Variants in LHFPL1 observed in about 807,000 individuals in gnomAD.
The protein encoded by LHFPL1 is LHFPL tetraspan subfamily member 1 protein.
Under a neutral mutation model 12.1 loss-of-function variants are expected in LHFPL1, and 4 were observed. The observed-to-expected ratio is 0.33, with a 90% CI of 0.16 to 0.76. The LOEUF is 0.76. Ranked by LOEUF, LHFPL1 falls within the 30% of genes least tolerant of loss-of-function variation. The pLI, the probability that LHFPL1 is intolerant of heterozygous loss-of-function variation, is 0.61. For synonymous variants in LHFPL1, 52 were observed against 61.9 expected, an observed-to-expected ratio of 0.84 and a Z score of 0.75; for missense variants, 141 against 174.1, an observed-to-expected ratio of 0.81 and a Z score of 1.07.
intron 3 of LHFPL1, among the ~76,000 whole-genome samples, chrX:112,642,797 C>T (rs1350888912): frequency 9.1e-6 from 1 of 110,343 alleles, no homozygotes; most frequent in East Asian, 2.9e-4. Context: ...TTATAAGCAC[C>T]GTCATTATTT....
At chrX:112,650,886 A>G (rs1930835584) in intron 3 of LHFPL1, among the ~76,000 whole-genome samples, 1 of 112,471 alleles carries the variant, frequency 8.9e-6, no homozygotes, top group Non-Finnish European at 1.9e-5. Context: ...AGACAGCAAC[A>G]CACAGAACAT....
chrX:112,663,411 A>G (rs1316581076), intron 2 of LHFPL1, among the ~76,000 whole-genome samples: 1 of 111,534 alleles, frequency 9.0e-6, no homozygotes, highest in Admixed American at 9.5e-5. Context: ...CACAGTCTAT[A>G]TAACAGACAG....
intron 1 of LHFPL1, among the ~76,000 whole-genome samples, chrX:112,679,337 C>G (rs1003195673): frequency 1.8e-5 from 2 of 112,324 alleles, no homozygotes; most frequent in Non-Finnish European, 3.8e-5. Context: ...TCTTTTATTT[C>G]CAGCCTGAGA....
intron 1 of LHFPL1, among the ~76,000 whole-genome samples, chrX:112,679,521 T>TGG (rs963357854): frequency 9.0e-6 from 1 of 111,685 alleles, no homozygotes; most frequent in African/African-American, 3.3e-5. Flanking sequence ...AACAGGCACT[T>TGG]CATCTCCTCA....
At chrX:112,639,836 G>A (rs976096340) in intron 3 of LHFPL1, among the ~76,000 whole-genome samples, 2 of 112,182 alleles carry the variant, frequency 1.8e-5, no homozygotes, top group Admixed American at 1.9e-4. Context: ...GGGTCACCCC[G>A]TGTTGCCTTT....
intron 2 of LHFPL1, among the ~76,000 whole-genome samples, chrX:112,670,335 C>T (rs1241025674): frequency 6.2e-5 from 7 of 112,510 alleles, no homozygotes; most frequent in African/African-American, 2.3e-4. Flanking sequence ...GCATTTTGCT[C>T]TTTTCTAGCC....
At chrX:112,647,175 A>G (rs1238474928) in intron 3 of LHFPL1, among the ~76,000 whole-genome samples, 2 of 112,236 alleles carry the variant, frequency 1.8e-5, no homozygotes, top group Admixed American at 9.5e-5. Context: ...TTATAAGCTT[A>G]CTTAAAAGCA....
At chrX:112,642,425 C>A (rs1327198372) in intron 3 of LHFPL1, among the ~76,000 whole-genome samples, 1 of 104,981 alleles carries the variant, frequency 9.5e-6, no homozygotes, top group Non-Finnish European at 2.0e-5. Flanking sequence ...CAGGCATTAA[C>A]TGGAAGAAAC....
intron 3 of LHFPL1, among the ~76,000 whole-genome samples, chrX:112,654,525 GATATTGGAACAA>G (rs1468922583): frequency 9.1e-6 from 1 of 110,118 alleles, no homozygotes; most frequent in African/African-American, 3.3e-5. Flanking sequence ...GATCCCATTG[GATATTGGAACAA>G]ATATTGGAAA....
At chrX:112,637,255 C>T (rs1930368912) in intron 3 of LHFPL1, among the ~76,000 whole-genome samples, 1 of 112,200 alleles carries the variant, frequency 8.9e-6, no homozygotes, top group African/African-American at 3.2e-5. Context: ...TGGAATTTGA[C>T]TCTGTTTCCT....
At chrX:112,636,360 CA>C (rs904395955) in intron 3 of LHFPL1, among the ~76,000 whole-genome samples, 1 of 111,997 alleles carries the variant, frequency 8.9e-6, no homozygotes, top group Non-Finnish European at 1.9e-5. Flanking sequence ...GAGTTCTCCA[CA>C]ACAAAAAATG....
At chrX:112,648,970 T>C (rs1602674821) in intron 3 of LHFPL1, among the ~76,000 whole-genome samples, 1 of 112,322 alleles carries the variant, frequency 8.9e-6, no homozygotes, top group Non-Finnish European at 1.9e-5. Context: ...TCTACTAAGA[T>C]ACTTCTCACT....
At chrX:112,649,979 A>G (rs898028755) in intron 3 of LHFPL1, among the ~76,000 whole-genome samples, 4 of 82,908 alleles carry the variant, frequency 4.8e-5, no homozygotes, top group Non-Finnish European at 6.5e-5. Flanking sequence ...GTTTTTTGTG[A>G]AAAAAAAAAA....
At chrX:112,671,585 CT>C in intron 1 of LHFPL1, 181 bp from the exon 2 acceptor site, 12 of 965,675 alleles carry the variant, frequency 1.2e-5, no homozygotes, top group Non-Finnish European at 1.6e-5. Context: ...TGGGATTTTG[CT>C]TTTCAGTACT....
chrX:112,673,018 C>T (rs1349678398), intron 1 of LHFPL1, among the ~76,000 whole-genome samples: 1 of 111,556 alleles, frequency 9.0e-6, no homozygotes, highest in Non-Finnish European at 1.9e-5. Flanking sequence ...ACTTTTCTAC[C>T]ACACAATGTT....
intron 3 of LHFPL1, among the ~76,000 whole-genome samples, chrX:112,641,832 G>A (rs1930518425): frequency 9.0e-6 from 1 of 111,681 alleles, no homozygotes; most frequent in Non-Finnish European, 1.9e-5. Flanking sequence ...CATTTCCATG[G>A]GGAACCACTG....
At chrX:112,650,990 A>C (rs1385992038) in intron 3 of LHFPL1, among the ~76,000 whole-genome samples, 1 of 111,830 alleles carries the variant, frequency 8.9e-6, no homozygotes, top group Non-Finnish European at 1.9e-5. Context: ...CAAGTTACTT[A>C]ATCTCTCTTA....
At chrX:112,676,948 C>T (rs112459063) in intron 1 of LHFPL1, among the ~76,000 whole-genome samples, 6,465 of 111,696 alleles carry the variant, frequency 0.058, 168 homozygotes, top group Middle Eastern at 0.098. Context: ...GACCTTTAGC[C>T]TTTTTCCCCA....
At chrX:112,649,282 C>G (rs1232460138) in intron 3 of LHFPL1, among the ~76,000 whole-genome samples, 1 of 111,873 alleles carries the variant, frequency 8.9e-6, no homozygotes, top group African/African-American at 3.2e-5. Flanking sequence ...ATTTTTATTG[C>G]ATGTTTGTTT....
Sources: gnomAD v4.1 joint callset for allele counts (sites outside exome capture counted in the v4.1 genomes callset) on GRCh38, gnomAD v4.1.1 for gene constraint, MANE v1.5 for transcripts, NCBI Gene and HGNC (gene_info 2026-07-23, HGNC 2026-07-21) for gene names.